Variants in MIGA2 observed in about 807,000 individuals in gnomAD.
MIGA2 encodes mitoguardin 2, also known as family with sequence similarity 73, member B.
MIGA2 carries 36 observed loss-of-function variants against 69.9 expected under a neutral mutation model. That is an observed-to-expected ratio of 0.52 (90% CI 0.39 to 0.68). The LOEUF is 0.68. Among genes scored for constraint, MIGA2 ranks in the 30% least tolerant of loss-of-function variants. The pLI is 0.00. For synonymous variants in MIGA2, 333 were observed against 349.2 expected, an observed-to-expected ratio of 0.95 and a Z score of 0.52; for missense variants, 660 against 787.7, an observed-to-expected ratio of 0.84 and a Z score of 1.94.
At chr9:129,062,124 A>T (rs1846098569) in intron 9 of MIGA2, among the ~76,000 whole-genome samples, 1 of 148,004 alleles carries the variant, frequency 6.8e-6, no homozygotes, top group South Asian at 2.1e-4. Flanking sequence ...ACCTCAAGTG[A>T]TCCACCTGCC....
In MIGA2 at chr9:129,071,520, G is replaced by T. The variant is rs959760311; in HGVS notation, c.*1067G>T. On this transcript the variant is annotated 3_prime_UTR_variant, in exon 16 of 16. Transcript: ENST00000684074. ...TGTGGCCCCAACGCGTTCTGCTGTG[G>T]CTCTGCCCTTTCCAGGTTGAGAGGC... The T allele has an allele frequency of 6.6e-6, 1 of 152,188 alleles. No individual in the cohort carries two copies. The allele number at this position is 152,188 out of a possible 1,614,324, so 9.4% of individuals were successfully genotyped here.
In MIGA2 at chr9:129,061,267, C is replaced by G; in HGVS notation, c.931C>G (p.Pro311Ala). 6.2e-7 allele frequency: 1 copy of G among 1,611,542 alleles called. No individual in the cohort carries two copies. Among genetic ancestry groups the G allele is most frequent in the Non-Finnish European group, 8.5e-7 (1 of 1,179,316 alleles). Reference protein sequence around the residue: ...ESLQTGDYPIPLSRPAAAYEE... With the variant: ...ESLQTGDYPIALSRPAAAYEE... The stretch of plus-strand genomic sequence containing the variant: ...CCTGCAGACTGGAGATTACCCGATC[C>G]CACTCTCCAGACCCGCCGCTGCCTA... Residue 311 changes from proline (P) to alanine (A), a missense_variant, in exon 9 of 16, where the codon CCA (proline) becomes GCA (alanine). Physicochemically the swap from Pro to Ala is conservative, Grantham distance 27 (BLOSUM62 -1). Around this residue, in one of 3 missense-constraint regions of MIGA2, gnomAD observed 386 missense variants for 402.0 expected, o/e 0.96. Transcript: ENST00000684074. The surrounding 1 kb of genome is among the most constrained non-coding windows in gnomAD (Gnocchi z 5.0).
chr9:129,064,521 T>C (rs1259726455), intron 11 of MIGA2, among the ~76,000 whole-genome samples: 1 of 151,140 alleles, frequency 6.6e-6, no homozygotes, highest in African/African-American at 2.4e-5. Context: ...TTTTTTTTTT[T>C]CTTTAATGGG....
chr9:129,040,345 G>C, intron 1 of MIGA2, 107 bp from the exon 2 acceptor site: 1 of 778,774 alleles, frequency 1.3e-6, no homozygotes, highest in Admixed American at 4.5e-5. Context: ...GGGTTCCAGA[G>C]GCAAGCTTTG....
chr9:129,049,792 TG>T (rs754106863), intron 5 of MIGA2, 34 bp from the exon 6 acceptor site: 17 of 1,613,038 alleles, frequency 1.1e-5, no homozygotes, highest in Non-Finnish European at 1.4e-5. Context: ...ACTGTGGAGG[TG>T]CTGACCCACG....
Position 129,065,408 on chromosome 9 carries a change from C to T in MIGA2, c.1170+1777C>T, listed in dbSNP as rs144183681. Among the ~76,000 whole-genome samples, 287 of 151,746 alleles carry T rather than the reference C, an allele frequency of 1.9e-3. 2 individuals carry two copies. The highest frequency in any genetic ancestry group is 9.3e-3 in the Admixed American group (141 of 15,228). ...TTGTCCGGGCTGGAGTACAGTGGTG[C>T]GATCTCGACCCACTGCAATCTCTGC... On this transcript the variant is annotated intron_variant, in intron 11 of 15. Coordinates refer to ENST00000684074, the MANE Select transcript of MIGA2 (RefSeq NM_001329990.2).
intron 6 of MIGA2, among the ~76,000 whole-genome samples, chr9:129,058,274 G>T (rs2131374346): frequency 6.6e-6 from 1 of 151,986 alleles, no homozygotes; most frequent in Middle Eastern, 3.4e-3. Flanking sequence ...GGTGATGTAT[G>T]CCTGTAGTGT....
At chr9:129,064,712 G>A (rs1372253977) in intron 11 of MIGA2, among the ~76,000 whole-genome samples, 1 of 151,852 alleles carries the variant, frequency 6.6e-6, no homozygotes, top group East Asian at 1.9e-4. Flanking sequence ...TGCTTCTAGT[G>A]CACCAGACTT....
chr9:129,042,670 T>G (rs1844979918), intron 3 of MIGA2, among the ~76,000 whole-genome samples, 156 bp downstream of exon 3: 1 of 152,130 alleles, frequency 6.6e-6, no homozygotes, highest in Non-Finnish European at 1.5e-5. Context: ...GTAGCGTCCC[T>G]CCCTCCAGTC....
Position 129,042,329 on chromosome 9 carries a change from C to T in MIGA2, c.122C>T (p.Thr41Met), listed in dbSNP as rs199652912. 4.8e-5 allele frequency: 78 copies of T among 1,612,452 alleles called. No individual in the cohort carries two copies. Among genetic ancestry groups the T allele is most frequent in the South Asian group, 7.7e-5 (7 of 91,000 alleles). Residue 41 changes from threonine to methionine, a missense_variant, in exon 3 of 16, where the codon ACG becomes ATG. Thr to Met is a moderately conservative substitution (Grantham distance 81). This residue lies in a region of MIGA2 where 54 missense variants were observed against 84.0 expected (regional missense o/e 0.64). Transcript: ENST00000684074. ...GQSAFSQLRL[T>M]PGLRKVLFAT... is the part of the protein sequence containing the mutation. ...TCTGCATTCTCCCAGCTACGGTTGA[C>T]GCCAGGCCTGCGGAAAGTCCTCTTT...
At chr9:129,049,703 A>G in intron 5 of MIGA2, 124 bp from the exon 6 acceptor site, 1 of 1,484,602 alleles carries the variant, frequency 6.7e-7, no homozygotes, top group Non-Finnish European at 9.3e-7. Context: ...TGAGCAGCCC[A>G]GGCCACACGG....
intron 6 of MIGA2, among the ~76,000 whole-genome samples, chr9:129,057,094 G>C (rs1249023134): frequency 6.6e-6 from 1 of 151,940 alleles, no homozygotes; most frequent in African/African-American, 2.4e-5. Context: ...GCAAAAAACA[G>C]TAGAGTTAGT....
chr9:129,067,026 C>T lies in MIGA2; in HGVS notation c.1171-747C>T, dbSNP rs1267102153. Among the ~76,000 whole-genome samples, 5 of 142,456 alleles carry T rather than the reference C, an allele frequency of 3.5e-5. No homozygotes were observed. The East Asian group carries it at 8.4e-4, about 24-fold the overall frequency. 93.5% of individuals were successfully genotyped at this position (142,456 alleles called of 152,430 possible). Reference sequence around the variant, plus strand: ...TGGCAGGCACTTGTAGTCCCAGCTACTTGGGAGGCTAAGGCAGGAGAATGG... The same window carrying T: ...TGGCAGGCACTTGTAGTCCCAGCTATTTGGGAGGCTAAGGCAGGAGAATGG... On this transcript the variant is annotated intron_variant, in intron 11 of 15. Coordinates refer to ENST00000684074, the MANE Select transcript of MIGA2 (RefSeq NM_001329990.2).
chr9:129,070,145 C>T (rs1044091213), intron 15 of MIGA2, 102 bp from the exon 16 acceptor site: 72 of 1,393,196 alleles, frequency 5.2e-5, no homozygotes, highest in African/African-American at 1.4e-4. Flanking sequence ...TGGAAAGGAC[C>T]GGCTGGGGCT....
At chr9:129,037,014 TG>T (rs1472560945) in intron 1 of MIGA2, 1 of 1,002,384 alleles carries the variant, frequency 1.0e-6, no homozygotes, top group African/African-American at 1.7e-5. Flanking sequence ...AGAGGGTACC[TG>T]GGTGAGTTTC....
Position 129,062,864 on chromosome 9 carries a change from G to C in MIGA2, c.1011-380G>C, listed in dbSNP as rs908477867. Among the ~76,000 whole-genome samples, 14 of 152,128 alleles carry C rather than the reference G, an allele frequency of 9.2e-5. 1 individual carries two copies. The highest frequency in any genetic ancestry group is 3.4e-4 in the African/African-American group (14 of 41,524). On this transcript the variant is annotated intron_variant, in intron 9 of 15. Coordinates refer to ENST00000684074, the MANE Select transcript of MIGA2 (RefSeq NM_001329990.2). ...GTCTAAAAAAAAAAAAAAGTTCACT[G>C]ACCAGAAATGAATCAGACACTGGCT... is the stretch of plus-strand genomic sequence containing the variant.
In MIGA2 at chr9:129,042,393, C is replaced by T. The variant is rs1564600284; in HGVS notation, c.186C>T (p.Ala62=). ...ALGTVALALA[A]HQLKRRRRRK... ...GGACTGTGGCCCTGGCCCTGGCTGC[C>T]CACCAGCTGAAGAGGCGACGGAGGA... The change falls in exon 3 of 16, where the codon GCC becomes GCT. Residue 62 remains alanine (A), a synonymous_variant. Transcript: ENST00000684074. The T allele has an allele frequency of 1.9e-6, 3 of 1,613,836 alleles. No homozygotes were observed. Among genetic ancestry groups the T allele is most frequent in the Non-Finnish European group, 2.5e-6 (3 of 1,180,036 alleles).
At chr9:129,049,720 C>T (rs762661707) in intron 5 of MIGA2, 107 bp from the exon 6 acceptor site, 71 of 1,561,606 alleles carry the variant, frequency 4.5e-5, no homozygotes, top group Non-Finnish European at 5.8e-5. Flanking sequence ...ACGGTCCCAC[C>T]CAGTTCTTGC....
chr9:129,055,868 G>C (rs1488173050), intron 6 of MIGA2, among the ~76,000 whole-genome samples: 1 of 150,296 alleles, frequency 6.7e-6, no homozygotes, highest in Non-Finnish European at 1.5e-5. Flanking sequence ...AAAAAAATTT[G>C]GCCGGGTGCA....
Sources: allele counts gnomAD v4.1 joint callset (sites outside exome capture counted in the v4.1 genomes callset), GRCh38; gene constraint gnomAD v4.1.1; regional missense constraint gnomAD v4.1.1; non-coding constraint Gnocchi (gnomAD v3.1); transcripts MANE v1.5; gene names NCBI Gene and HGNC (gene_info 2026-07-23, HGNC 2026-07-21).